The following IL33 variants were observed in gnomAD, a reference collection of about 807,000 sequenced individuals.
The protein encoded by IL33 is interleukin-33.
IL33 carries 37 observed loss-of-function variants against 27.3 expected under a neutral mutation model. That is an observed-to-expected ratio of 1.36 (90% CI 1.04 to 1.78). The LOEUF is 1.78. IL33 is among the 40% of genes most tolerant of loss of function. The pLI, the probability that IL33 is intolerant of heterozygous loss-of-function variation, is 0.00. For synonymous variants in IL33, 132 were observed against 102.9 expected (o/e 1.28, Z -1.71); for missense variants, 406 against 311.4 (o/e 1.30, Z -2.29).
chr9:6,220,377 A>G (rs931659784), intron 1 of IL33, among the ~76,000 whole-genome samples: 7 of 152,188 alleles, frequency 4.6e-5, no homozygotes, highest in African/African-American at 1.4e-4. Flanking sequence ...CAAAGATTCA[A>G]TATTTCCTTA....
intron 1 of IL33, among the ~76,000 whole-genome samples, chr9:6,235,147 C>T (rs1056696525): frequency 2.6e-5 from 4 of 151,946 alleles, no homozygotes; most frequent in Non-Finnish European, 5.9e-5. Context: ...CTCAGGTGAT[C>T]CTCCCACCTC....
At chr9:6,222,582 G>T (rs1818457411) in intron 1 of IL33, among the ~76,000 whole-genome samples, 1 of 152,032 alleles carries the variant, frequency 6.6e-6, no homozygotes, top group Non-Finnish European at 1.5e-5. Flanking sequence ...TCAAACATGA[G>T]AAAAAAAGCC....
chr9:6,254,788 G>T (rs1816633587), intron 7 of IL33, among the ~76,000 whole-genome samples: 1 of 152,120 alleles, frequency 6.6e-6, no homozygotes, highest in African/African-American at 2.4e-5. Context: ...CAGCAGCAGA[G>T]CATCACCTGG....
At chr9:6,238,615 C>T (rs2130286107) in intron 1 of IL33, among the ~76,000 whole-genome samples, 1 of 152,300 alleles carries the variant, frequency 6.6e-6, no homozygotes, top group African/African-American at 2.4e-5. Context: ...GAACTCAATG[C>T]TCTTCTTTTA....
chr9:6,227,785 A>T (rs1236765525), intron 1 of IL33, among the ~76,000 whole-genome samples: 1 of 152,152 alleles, frequency 6.6e-6, no homozygotes, highest in African/African-American at 2.4e-5. Flanking sequence ...GGGCCTAATG[A>T]CATATTTTCA....
chr9:6,234,236 C>T (rs1464163577), intron 1 of IL33, among the ~76,000 whole-genome samples: 1 of 152,250 alleles, frequency 6.6e-6, no homozygotes, highest in East Asian at 1.9e-4. Context: ...AAGAGCAAAT[C>T]CACATGGCTA....
intron 1 of IL33, among the ~76,000 whole-genome samples, chr9:6,239,511 A>T (rs1326572692): frequency 2.0e-5 from 3 of 152,248 alleles, no homozygotes; most frequent in Non-Finnish European, 2.9e-5. Flanking sequence ...CCAGTTTTTC[A>T]CACCTTATGT....
At chr9:6,225,583 G>A (rs1037217333) in intron 1 of IL33, among the ~76,000 whole-genome samples, 2 of 152,170 alleles carry the variant, frequency 1.3e-5, no homozygotes, top group African/African-American at 2.4e-5. Flanking sequence ...AAGCATCTTG[G>A]TTCTGCAAAT....
chr9:6,256,084 G>A lies in IL33; in HGVS notation c.729G>A (p.Lys243=), dbSNP rs1816714606. 1 of 1,612,920 alleles carries A rather than the reference G, an allele frequency of 6.2e-7. No homozygotes were observed. Among genetic ancestry groups the A allele is most frequent in the Non-Finnish European group, 8.5e-7 (1 of 1,179,044 alleles). ...ATCCTGGAGTGTTTATAGGTGTAAA[G>A]GATAATCATCTTGCTCTGATTAAAG... is the stretch of plus-strand genomic sequence containing the variant. ...KTDPGVFIGV[K]DNHLALIKVD... Residue 243 remains lysine (K), a synonymous_variant, in exon 8 of 8, where the codon AAG becomes AAA. Coordinates refer to ENST00000682010, the MANE Select transcript of IL33 (RefSeq NM_033439.4).
chr9:6,244,081 G>A (rs1442941905), intron 2 of IL33, among the ~76,000 whole-genome samples: 2 of 152,178 alleles, frequency 1.3e-5, no homozygotes, highest in African/African-American at 2.4e-5. Context: ...ACCTCAGGAA[G>A]TATGGGCTCT....
In IL33 at chr9:6,253,564, T is replaced by C; in HGVS notation, c.482T>C (p.Leu161Pro). 1.2e-6 allele frequency: 2 copies of C among 1,607,702 alleles called. No homozygotes were observed. Among genetic ancestry groups the C allele is most frequent in the Middle Eastern group, 1.7e-4 (1 of 6,036 alleles). ...KKDEKKDKVL[L>P]SYYESQHPSN... ...CATTCTCTTTCAGATAAGGTGTTAC[T>C]GAGTTACTATGAGTCTCAACACCCC... Residue 161 changes from leucine (L) to proline (P), a missense_variant, in exon 6 of 8, where the codon CTG becomes CCG. Leu to Pro is a moderately conservative substitution (Grantham distance 98). Coordinates refer to ENST00000682010, the MANE Select transcript of IL33 (RefSeq NM_033439.4).
chr9:6,235,215 A>C (rs1303870661), intron 1 of IL33, among the ~76,000 whole-genome samples: 3 of 151,966 alleles, frequency 2.0e-5, no homozygotes, highest in African/African-American at 7.2e-5. Context: ...TAATTTTTAA[A>C]AATTTTTTCT....
intron 1 of IL33, among the ~76,000 whole-genome samples, chr9:6,216,614 G>A (rs140637713): frequency 1.3e-5 from 2 of 152,050 alleles, no homozygotes; most frequent in East Asian, 3.9e-4. Flanking sequence ...TGGGTGTGGT[G>A]GTGGGCACCT....
chr9:6,246,885 G>T (rs1327134418), intron 2 of IL33, among the ~76,000 whole-genome samples: 2 of 152,162 alleles, frequency 1.3e-5, no homozygotes, highest in Non-Finnish European at 2.9e-5. Flanking sequence ...CCAGTCCATG[G>T]TATTTTGTTA....
chr9:6,221,384 G>C (rs1818405760), intron 1 of IL33, among the ~76,000 whole-genome samples: 1 of 152,160 alleles, frequency 6.6e-6, no homozygotes, highest in Non-Finnish European at 1.5e-5. Context: ...ACCGTGCCTA[G>C]GACCTGACAG....
intron 1 of IL33, among the ~76,000 whole-genome samples, chr9:6,234,723 A>T (rs1819095846): frequency 6.7e-6 from 1 of 150,316 alleles, no homozygotes; most frequent in Non-Finnish European, 1.5e-5. Flanking sequence ...GGGATATTTT[A>T]ACTGGCCTCC....
intron 1 of IL33, among the ~76,000 whole-genome samples, chr9:6,221,622 T>C (rs560712137): frequency 6.6e-6 from 1 of 152,362 alleles, no homozygotes; most frequent in South Asian, 2.1e-4. Flanking sequence ...CCAATTTTTT[T>C]CTAGGCATTT....
rs181411126 is a variant in IL33, at chr9:6,250,497, G to A, written c.115G>A (p.Val39Ile). The change falls in exon 3 of 8, where the codon GTT (valine) becomes ATT (isoleucine). Residue 39 changes from valine (V) to isoleucine (I), a missense_variant. Val to Ile is a conservative substitution (Grantham distance 29). Coordinates refer to ENST00000682010, the MANE Select transcript of IL33 (RefSeq NM_033439.4). The stretch of plus-strand genomic sequence containing the variant: ...AGAATCCCAACAGAAGGCCAAAGAA[G>A]TTTGCCCCATGTACTTTATGAAGCT... ...LGKSQQKAKE[V>I]CPMYFMKLRS... 28 of 1,613,702 alleles carry A rather than the reference G, an allele frequency of 1.7e-5. No individual in the cohort carries two copies. The South Asian group carries it at 2.6e-4, about 15-fold the overall frequency.
chr9:6,228,543 G>C (rs1188236568), intron 1 of IL33, among the ~76,000 whole-genome samples: 1 of 150,444 alleles, frequency 6.6e-6, no homozygotes, highest in African/African-American at 2.4e-5. Flanking sequence ...CTTTCTTCTA[G>C]CAGTGAGAAC....
Sources: allele counts gnomAD v4.1 joint callset (sites outside exome capture counted in the v4.1 genomes callset), GRCh38; gene constraint gnomAD v4.1.1; transcripts MANE v1.5; gene names NCBI Gene and HGNC (gene_info 2026-07-23, HGNC 2026-07-21).